ARK2N: variants seen among roughly 807,000 people sequenced by gnomAD.
ARK2N encodes arkadia (RNF111) N-terminal like PKA signaling regulator 2N, also known as protein ARK2N.
the ARK2N span, among the ~76,000 whole-genome samples, chr18:46,222,577 G>T: frequency 6.6e-6 from 1 of 152,174 alleles, no homozygotes; most frequent in Non-Finnish European, 1.5e-5. Context: ...ATTTTCTGAA[G>T]TGAGTGCCTA....
chr18:46,216,720 T>C, the ARK2N span: 1 of 855,896 alleles, frequency 1.2e-6, no homozygotes, highest in Non-Finnish European at 1.8e-6. The surrounding 1 kb of genome is among the most constrained non-coding windows in gnomAD (Gnocchi z 4.3). Flanking sequence ...ATTTGAAGAC[T>C]GCAGTCTATT....
At chr18:46,177,350 G>A in the ARK2N span, among the ~76,000 whole-genome samples, 3 of 151,344 alleles carry the variant, frequency 2.0e-5, no homozygotes, top group Non-Finnish European at 4.4e-5. Flanking sequence ...GAACTCAGGA[G>A]TTTGAGATCA....
At chr18:46,181,089 G>A in the ARK2N span, among the ~76,000 whole-genome samples, 14 of 151,780 alleles carry the variant, frequency 9.2e-5, no homozygotes, top group African/African-American at 2.4e-4. Flanking sequence ...ATGAAACCGT[G>A]TCTCTACTAA....
At chr18:46,225,536 G>A in the ARK2N span, among the ~76,000 whole-genome samples, 23 of 152,114 alleles carry the variant, frequency 1.5e-4, no homozygotes, top group Non-Finnish European at 2.9e-4. Context: ...TCGGCCCACT[G>A]CAAACTCCGC....
At chr18:46,248,059 G>A in the ARK2N span, among the ~76,000 whole-genome samples, 2 of 152,216 alleles carry the variant, frequency 1.3e-5, no homozygotes, top group African/African-American at 2.4e-5. Flanking sequence ...GGACTTGTAA[G>A]TAGAGAGAGA....
chr18:46,204,258 C>G, the ARK2N span, among the ~76,000 whole-genome samples: 1 of 152,230 alleles, frequency 6.6e-6, no homozygotes, highest in Admixed American at 6.5e-5. Flanking sequence ...TACCCTATCA[C>G]TTGATATTGA....
the ARK2N span, among the ~76,000 whole-genome samples, chr18:46,204,725 C>G: frequency 0.014 from 2,163 of 152,116 alleles, 59 homozygotes; most frequent in African/African-American, 0.049. Context: ...AGAGGAAAAT[C>G]TTACTTAGAA....
chr18:46,255,445 C>CTTTTTTTTTTTTTTTTTTTTTTTT, the ARK2N span, among the ~76,000 whole-genome samples: 3 of 77,742 alleles, frequency 3.9e-5, no homozygotes, highest in East Asian at 3.7e-4. Context: ...CTTTTCTTTT[C>CTTTTTTTTTTTTTTTTTTTTTTTT]TTTTTTTTTT....
chr18:46,209,940 C>T, the ARK2N span, among the ~76,000 whole-genome samples: 14 of 152,294 alleles, frequency 9.2e-5, no homozygotes, highest in South Asian at 2.9e-3. Context: ...TTTTCCTCCA[C>T]ATTCACCACT....
At chr18:46,195,001 C>T in the ARK2N span, among the ~76,000 whole-genome samples, 2 of 151,158 alleles carry the variant, frequency 1.3e-5, no homozygotes, top group South Asian at 2.1e-4. Context: ...GGGGTTTCGC[C>T]ATGTTGACTA....
At chr18:46,202,528 G>A in the ARK2N span, among the ~76,000 whole-genome samples, 3 of 151,954 alleles carry the variant, frequency 2.0e-5, no homozygotes, top group Non-Finnish European at 4.4e-5. Context: ...AAGAGATTGT[G>A]TAGACTATAT....
the ARK2N span, among the ~76,000 whole-genome samples, chr18:46,183,790 A>G: frequency 6.6e-6 from 1 of 152,190 alleles, no homozygotes; most frequent in African/African-American, 2.4e-5. Context: ...AAATCCCAGC[A>G]AATAATTGAA....
At chr18:46,219,837 A>G in the ARK2N span, among the ~76,000 whole-genome samples, 1 of 152,124 alleles carries the variant, frequency 6.6e-6, no homozygotes, top group Non-Finnish European at 1.5e-5. Flanking sequence ...TTATGATTAG[A>G]GTATTACTGT....
chr18:46,174,002 C>T, the ARK2N span: 2 of 152,256 alleles, frequency 1.3e-5, no homozygotes, highest in African/African-American at 2.4e-5. Context: ...CCTCTCTAGC[C>T]GGCCGACGCG....
At chr18:46,190,912 T>C in the ARK2N span, among the ~76,000 whole-genome samples, 5 of 152,208 alleles carry the variant, frequency 3.3e-5, no homozygotes, top group African/African-American at 4.8e-5. Context: ...CTGTAGTGTG[T>C]GTGTATGCAT....
the ARK2N span, among the ~76,000 whole-genome samples, chr18:46,241,341 A>G: frequency 1.3e-5 from 2 of 152,150 alleles, no homozygotes; most frequent in Non-Finnish European, 2.9e-5. Flanking sequence ...TCTGGACTTC[A>G]GTTTTTATAT....
chr18:46,234,791 AGGCCATCAAAG>A, the ARK2N span, among the ~76,000 whole-genome samples: 2 of 152,190 alleles, frequency 1.3e-5, no homozygotes, highest in Non-Finnish European at 2.9e-5. Context: ...AACCGGGCCT[AGGCCATCAAAG>A]GGCCTGTGAT....
chr18:46,189,320 T>C, the ARK2N span, among the ~76,000 whole-genome samples: 152,208 of 152,210 alleles, frequency 1, 76,103 homozygotes, highest in Middle Eastern at 1. Context: ...CCCCTTCTTA[T>C]GTATGAAATG....
At chr18:46,244,430 C>T in the ARK2N span, among the ~76,000 whole-genome samples, 2 of 151,882 alleles carry the variant, frequency 1.3e-5, no homozygotes, top group Admixed American at 1.3e-4. Flanking sequence ...CTTGATTTGT[C>T]CCTAACATGG....
Sources: allele counts gnomAD v4.1 joint callset (sites outside exome capture counted in the v4.1 genomes callset), GRCh38; gene constraint gnomAD v4.1.1; non-coding constraint Gnocchi (gnomAD v3.1); transcripts MANE v1.5; gene names NCBI Gene and HGNC (gene_info 2026-07-23, HGNC 2026-07-21).